The following ARHGEF33 variants were observed in gnomAD, a reference collection of about 807,000 sequenced individuals.
ARHGEF33 encodes the protein Rho guanine nucleotide exchange factor 33.
A neutral mutation model predicts 101.9 loss-of-function variants in ARHGEF33; 72 were observed. That is an observed-to-expected ratio of 0.71 (90% CI 0.58 to 0.86). The LOEUF (loss-of-function observed/expected upper bound fraction) is 0.86. ARHGEF33 is among the 40% of genes least tolerant of loss of function. The probability of loss-of-function intolerance (pLI) is 0.00; values close to 1 mark genes in which losing one functional copy is unlikely to be tolerated. For synonymous variants in ARHGEF33, 499 were observed against 442.5 expected (o/e 1.13, Z -1.60); for missense variants, 1,169 against 1,111.3 (o/e 1.05, Z -0.74).
In ARHGEF33 at chr2:38,974,785, A is replaced by C. The variant is rs1035969487; in HGVS notation, c.*942A>C. The C allele has an allele frequency of 6.6e-6, 1 of 152,226 alleles. No individual in the cohort carries two copies. Among genetic ancestry groups the C allele is most frequent in the Non-Finnish European group, 1.5e-5 (1 of 68,038 alleles). 9.4% of individuals were successfully genotyped at this position (152,226 alleles called of 1,614,324 possible). A position where few individuals can be genotyped will look rare whatever the true frequency, so the allele number is the denominator to read the frequency against. On this transcript the variant is annotated 3_prime_UTR_variant, in exon 18 of 18. Coordinates refer to ENST00000409978, the MANE Select transcript of ARHGEF33 (RefSeq NM_001145451.5). ...CTCACACACAGCAGTTGCTACAAAC[A>C]GCAGGTCAAAGTGAAAATTCAGGAT...
chr2:38,954,536 G>A (rs1055329533), intron 13 of ARHGEF33, 80 bp downstream of exon 13: 2 of 788,454 alleles, frequency 2.5e-6, no homozygotes, highest in South Asian at 1.5e-5. Context: ...GAGAAATACT[G>A]TAAAGCCTCA....
chr2:38,900,305 A>T (rs1422187731), intron 2 of ARHGEF33, among the ~76,000 whole-genome samples: 1 of 152,208 alleles, frequency 6.6e-6, no homozygotes, highest in East Asian at 1.9e-4. Context: ...ACTAATTATG[A>T]CTTAGAGGAT....
At chr2:38,917,022 A>G (rs1419657217) in intron 2 of ARHGEF33, among the ~76,000 whole-genome samples, 2 of 150,164 alleles carry the variant, frequency 1.3e-5, no homozygotes, top group Non-Finnish European at 3.0e-5. Context: ...CTGGTCTGGA[A>G]CTCCTGACCT....
chr2:38,972,070 A>T, intron 17 of ARHGEF33: 1 of 671,376 alleles, frequency 1.5e-6, no homozygotes. Context: ...TGACTTTCTG[A>T]TGAGAAACTG....
At chr2:38,939,117 C>T (rs1455885525) in intron 9 of ARHGEF33, among the ~76,000 whole-genome samples, 2 of 152,064 alleles carry the variant, frequency 1.3e-5, no homozygotes, top group African/African-American at 4.8e-5. Context: ...GGATTACAGG[C>T]GTGCACCACC....
intron 16 of ARHGEF33, among the ~76,000 whole-genome samples, chr2:38,964,057 A>G (rs1034222870): frequency 6.6e-6 from 1 of 152,130 alleles, no homozygotes; most frequent in African/African-American, 2.4e-5. Context: ...CTGCAACTAG[A>G]CGGTCCCATC....
chr2:38,914,350 T>C (rs1326577442), intron 2 of ARHGEF33, among the ~76,000 whole-genome samples: 1 of 152,132 alleles, frequency 6.6e-6, no homozygotes, highest in Non-Finnish European at 1.5e-5. Context: ...ATTTGTACCA[T>C]GGAATATTAT....
intron 9 of ARHGEF33, among the ~76,000 whole-genome samples, chr2:38,941,371 G>A (rs926689569): frequency 9.9e-5 from 15 of 152,170 alleles, no homozygotes; most frequent in South Asian, 8.3e-4. Context: ...TTTCTCTTGC[G>A]GTCATAATTT....
In ARHGEF33 at chr2:38,954,223, C is replaced by T. The variant is rs139824728; in HGVS notation, c.1138-150C>T. On this transcript the variant is annotated intron_variant, in intron 12 of 17. Transcript: ENST00000409978. ...TAGGGCATGTCCCTGAACATGTGGC[C>T]TCTCCTATGAGACAGCAATGCTCTA... 1.1e-3 allele frequency: 639 copies of T among 607,864 alleles called. 5 individuals carry two copies. The highest frequency in any genetic ancestry group is 0.01 in the African/African-American group (566 of 54,018). 37.7% of individuals were successfully genotyped at this position (607,864 alleles called of 1,614,324 possible).
rs1237851834 is a variant in ARHGEF33, at chr2:38,960,373, T to A, written c.2068T>A (p.Tyr690Asn). 9 of 1,524,310 alleles carry A rather than the reference T, an allele frequency of 5.9e-6. No individual in the cohort carries two copies. The highest frequency in any genetic ancestry group is 7.9e-6 in the Non-Finnish European group (9 of 1,140,492). 94.4% of individuals were successfully genotyped at this position (1,524,310 alleles called of 1,614,324 possible). ...GTCGCCGGCGGGCAGCAGCAGCGCC[T>A]ACAAACTGGAGGCGGCGGCGCAGGC... Reference protein sequence around the residue: ...ATSPAGSSSAYKLEAAAQAHG... With the variant: ...ATSPAGSSSANKLEAAAQAHG... Residue 690 changes from tyrosine to asparagine, a missense_variant, in exon 16 of 18, where the codon TAC becomes AAC. Transcript: ENST00000409978.
At chr2:38,894,737 T>G (rs1572735783) in intron 1 of ARHGEF33, among the ~76,000 whole-genome samples, 1 of 152,354 alleles carries the variant, frequency 6.6e-6, no homozygotes, top group South Asian at 2.1e-4. Flanking sequence ...TCAGTGTTTC[T>G]ACTTGTATTG....
Position 38,931,197 on chromosome 2 carries a change from G to C in ARHGEF33, c.451G>C (p.Val151Leu). ...TCGTTCTATCAATATCCCTGAGCCT[G>C]TTCTTCCAAGCGAAGACTTTACCAA... ...PFRSINIPEP[V>L]LPSEDFTNLL... is the part of the protein sequence containing the mutation. Residue 151 changes from valine to leucine, a missense_variant, in exon 7 of 18, where the codon GTT becomes CTT. Transcript: ENST00000409978. 6.4e-7 allele frequency: 1 copy of C among 1,551,588 alleles called. No individual in the cohort carries two copies.
intron 3 of ARHGEF33, among the ~76,000 whole-genome samples, chr2:38,920,579 T>C (rs1293728331): frequency 6.6e-6 from 1 of 151,928 alleles, no homozygotes; most frequent in African/African-American, 2.4e-5. Flanking sequence ...AGCTAATTTT[T>C]GTGTTTTTAG....
At chr2:38,972,289 CAA>C (rs908133580) in intron 17 of ARHGEF33, among the ~76,000 whole-genome samples, 34 of 152,136 alleles carry the variant, frequency 2.2e-4, no homozygotes, top group African/African-American at 7.7e-4. Context: ...CTGTGAAAGA[CAA>C]GAGAAGGCCC....
At chr2:38,943,786 A>T (rs1402610530) in intron 9 of ARHGEF33, 115 bp from the exon 10 acceptor site, 1 of 1,054,622 alleles carries the variant, frequency 9.5e-7, no homozygotes, top group Non-Finnish European at 1.3e-6. Context: ...AAAAACTTGC[A>T]GATGGTTTTT....
chr2:38,948,207 G>A (rs1667500589), intron 10 of ARHGEF33, among the ~76,000 whole-genome samples: 1 of 152,126 alleles, frequency 6.6e-6, no homozygotes, highest in Admixed American at 6.5e-5. Context: ...GCTTGTACTT[G>A]CCATCTTTCT....
In ARHGEF33 at chr2:38,959,755, G is replaced by C. The variant is rs11691022; in HGVS notation, c.1536-86G>C. 41 of 1,373,158 alleles carry C rather than the reference G, an allele frequency of 3.0e-5. 1 individual carries two copies. The South Asian group carries it at 6.1e-4, about 20-fold the overall frequency. The allele number at this position is 1,373,158 out of a possible 1,614,324, so 85.1% of individuals were successfully genotyped here. A position where few individuals can be genotyped will look rare whatever the true frequency, so the allele number is the denominator to read the frequency against. On this transcript the variant is annotated intron_variant, in intron 15 of 17. Transcript: ENST00000409978. ...GTGGCATGCACAGGCGCCTCGGAGC[G>C]CGGCCCCGAGGGGCGCCGGCAGGCG...
Position 38,944,036 on chromosome 2 carries a change from C to T in ARHGEF33, c.920+6C>T. 1.3e-6 allele frequency: 2 copies of T among 1,544,054 alleles called. No individual in the cohort carries two copies. Among genetic ancestry groups the T allele is most frequent in the Non-Finnish European group, 1.7e-6 (2 of 1,143,612 alleles). On this transcript the variant is annotated splice_donor_region_variant and intron_variant, in intron 10 of 17. Coordinates refer to ENST00000409978, the MANE Select transcript of ARHGEF33 (RefSeq NM_001145451.5). ...AGGAATTCCAAAGAGAGAAGGTATC[C>T]ATGCACTCATTGCCTTTGCTTTTCA...
intron 2 of ARHGEF33, among the ~76,000 whole-genome samples, chr2:38,906,428 T>C (rs1297771865): frequency 2.6e-5 from 4 of 152,206 alleles, no homozygotes; most frequent in Non-Finnish European, 1.5e-5. Context: ...TGTTCTGGTC[T>C]CCTTATGGAA....
Sources: gnomAD v4.1 joint callset for allele counts (sites outside exome capture counted in the v4.1 genomes callset) on GRCh38, gnomAD v4.1.1 for gene constraint, MANE v1.5 for transcripts, NCBI Gene and HGNC (gene_info 2026-07-23, HGNC 2026-07-21) for gene names.